The following MEGF9 variants were observed in gnomAD, a reference collection of about 807,000 sequenced individuals.
MEGF9 encodes the protein multiple EGF like domains 9.
MEGF9 carries 6 observed loss-of-function variants against 46.8 expected under a neutral mutation model. That is an observed-to-expected ratio of 0.13 (90% CI 0.07 to 0.25). The LOEUF (loss-of-function observed/expected upper bound fraction) is 0.25, where lower values mean the gene tolerates loss of function less well. Among genes scored for constraint, MEGF9 ranks in the 10% least tolerant of loss-of-function variants. The pLI, the probability that MEGF9 is intolerant of heterozygous loss-of-function variation, is 1.00. For missense variants in MEGF9, 683 were observed against 792.4 expected (o/e 0.86, Z 1.66); for synonymous variants, 302 against 330.7 (o/e 0.91, Z 0.94).
rs58868038 is a variant in MEGF9 at position 120,697,420 on chromosome 9, ATT to A, written c.601+16336_601+16337del. Among the ~76,000 whole-genome samples the A allele has an allele frequency of 5.6e-3, 778 of 140,002 alleles. 8 individuals carry two copies. Among genetic ancestry groups the A allele is most frequent in the African/African-American group, 0.019 (738 of 38,782 alleles). 91.8% of individuals were successfully genotyped at this position (140,002 alleles called of 152,430 possible). A position where few individuals can be genotyped will look rare whatever the true frequency, so the allele number is the denominator to read the frequency against. ...TTTATATAATCAAACGTCATCTGCT[ATT>A]TTTTTTTTTTTTTACAAAATATTGT... On this transcript the variant is annotated intron_variant, in intron 1 of 5. Transcript: ENST00000373930.
intron 1 of MEGF9, among the ~76,000 whole-genome samples, chr9:120,685,164 G>A (rs1371817567): frequency 6.6e-6 from 1 of 152,156 alleles, no homozygotes; most frequent in Non-Finnish European, 1.5e-5. Context: ...TGCGATTTTG[G>A]AAGCATCAAG....
intron 1 of MEGF9, among the ~76,000 whole-genome samples, chr9:120,664,997 A>G (rs184829626): frequency 6.6e-6 from 1 of 152,314 alleles, no homozygotes; most frequent in East Asian, 1.9e-4. Context: ...TCAAACATTG[A>G]TCATTTCATT....
chr9:120,606,325 T>C (rs2043420392), intron 5 of MEGF9, among the ~76,000 whole-genome samples: 1 of 152,220 alleles, frequency 6.6e-6, no homozygotes, highest in Admixed American at 6.5e-5. Flanking sequence ...CAGGGATATA[T>C]GGCAATCATT....
intron 3 of MEGF9, among the ~76,000 whole-genome samples, chr9:120,618,955 G>T (rs1474987503): frequency 6.6e-6 from 1 of 151,900 alleles, no homozygotes; most frequent in Non-Finnish European, 1.5e-5. Context: ...ATTTACAGGG[G>T]TTTGGCTTTT....
intron 1 of MEGF9, among the ~76,000 whole-genome samples, chr9:120,699,821 A>C (rs922050733): frequency 3.3e-5 from 5 of 152,078 alleles, no homozygotes; most frequent in Non-Finnish European, 7.4e-5. Flanking sequence ...TTGTGAGTTT[A>C]ATATGAGATA....
chr9:120,628,716 G>GA (rs1448044748), intron 2 of MEGF9, among the ~76,000 whole-genome samples: 1 of 151,988 alleles, frequency 6.6e-6, no homozygotes, highest in African/African-American at 2.4e-5. Flanking sequence ...GCCCAGGAGG[G>GA]AGACTTTATT....
At chr9:120,685,647 C>T (rs2043819059) in intron 1 of MEGF9, among the ~76,000 whole-genome samples, 1 of 152,156 alleles carries the variant, frequency 6.6e-6, no homozygotes, top group Admixed American at 6.5e-5. Flanking sequence ...ATGGTACAGC[C>T]ACTATGAAAA....
At chr9:120,650,688 T>C (rs1036752385) in intron 2 of MEGF9, among the ~76,000 whole-genome samples, 2 of 152,268 alleles carry the variant, frequency 1.3e-5, no homozygotes, top group Non-Finnish European at 2.9e-5. Flanking sequence ...GGAATCAGGA[T>C]AGAATTGAAT....
intron 1 of MEGF9, among the ~76,000 whole-genome samples, chr9:120,662,619 A>G (rs923855942): frequency 2.6e-5 from 4 of 152,254 alleles, no homozygotes; most frequent in African/African-American, 9.6e-5. Flanking sequence ...AGGGCATAAT[A>G]ATAGTAGCTA....
At chr9:120,687,036 T>C (rs2043825929) in intron 1 of MEGF9, among the ~76,000 whole-genome samples, 1 of 152,132 alleles carries the variant, frequency 6.6e-6, no homozygotes, top group Admixed American at 6.5e-5. Flanking sequence ...ACTGAAGTGA[T>C]TCTGCTATAT....
intron 1 of MEGF9, among the ~76,000 whole-genome samples, chr9:120,680,352 A>G (rs1226038385): frequency 6.6e-6 from 1 of 152,180 alleles, no homozygotes; most frequent in Admixed American, 6.5e-5. Flanking sequence ...TGGGCCCCAA[A>G]TGCAGTAACA....
chr9:120,664,426 T>A (rs1032572162), intron 1 of MEGF9, among the ~76,000 whole-genome samples: 1 of 152,208 alleles, frequency 6.6e-6, no homozygotes, highest in Non-Finnish European at 1.5e-5. Flanking sequence ...AACAATTGTG[T>A]GTTAACCCTT....
At chr9:120,606,962 T>C (rs914385608) in intron 5 of MEGF9, among the ~76,000 whole-genome samples, 2 of 152,122 alleles carry the variant, frequency 1.3e-5, no homozygotes, top group Non-Finnish European at 2.9e-5. Flanking sequence ...GAGAACTGAG[T>C]AGCAGGATCT....
At position 120,603,235 on chromosome 9, in the gene MEGF9, G is replaced by C. The variant is rs1205813774; in HGVS notation, c.*1955C>G. The C allele has an allele frequency of 6.6e-6, 1 of 152,164 alleles. No individual in the cohort carries two copies. The highest frequency in any genetic ancestry group is 1.5e-5 in the Non-Finnish European group (1 of 68,044). 9.4% of individuals were successfully genotyped at this position (152,164 alleles called of 1,614,324 possible). A position where few individuals can be genotyped will look rare whatever the true frequency, so the allele number is the denominator to read the frequency against. On this transcript the variant is annotated 3_prime_UTR_variant, in exon 6 of 6. Coordinates refer to ENST00000373930, the MANE Select transcript of MEGF9 (RefSeq NM_001080497.3). ...GCCTCAGCCTTTTCATCTATAAAAT[G>C]GGGACAACAATTACTTCCTCAGGGG...
chr9:120,709,896 A>C, intron 1 of MEGF9, among the ~76,000 whole-genome samples: 1 of 151,914 alleles, frequency 6.6e-6, no homozygotes, highest in South Asian at 2.1e-4. Flanking sequence ...TAAAAATACA[A>C]AAATTAGCCA....
At position 120,654,534 on chromosome 9, in the gene MEGF9, T is replaced by G. The variant is rs572349957; in HGVS notation, c.803+4840A>C. On this transcript the variant is annotated intron_variant, in intron 2 of 5. Transcript: ENST00000373930. ...GTTGGTGTAAACAAACCTACTGCAC[T>G]GCCAATCATATAAAAGTATAGCATG... Among the ~76,000 whole-genome samples the G allele has an allele frequency of 1.3e-3, 198 of 152,344 alleles. 1 individual carries two copies. The highest frequency in any genetic ancestry group is 4.8e-3 in the Admixed American group (73 of 15,296).
chr9:120,696,133 C>T (rs1462542047), intron 1 of MEGF9, among the ~76,000 whole-genome samples: 3 of 152,158 alleles, frequency 2.0e-5, no homozygotes, highest in African/African-American at 7.2e-5. Flanking sequence ...TGACTATTAC[C>T]TCTAACTCCG....
At chr9:120,667,274 A>T (rs1382067223) in intron 1 of MEGF9, among the ~76,000 whole-genome samples, 2 of 152,218 alleles carry the variant, frequency 1.3e-5, no homozygotes, top group African/African-American at 2.4e-5. Flanking sequence ...TTAATGCTTC[A>T]GCTGATTATT....
At chr9:120,607,691 C>A (rs762808714) in intron 5 of MEGF9, 50 bp downstream of exon 5, 2 of 1,581,340 alleles carry the variant, frequency 1.3e-6, no homozygotes. Flanking sequence ...TTCCATTTTT[C>A]ACTGCTAGTT....
Sources: gnomAD v4.1 joint callset for allele counts (sites outside exome capture counted in the v4.1 genomes callset) on GRCh38, gnomAD v4.1.1 for gene constraint, MANE v1.5 for transcripts, NCBI Gene and HGNC (gene_info 2026-07-23, HGNC 2026-07-21) for gene names.